TUT4: variants seen among roughly 807,000 people sequenced by gnomAD.
TUT4 encodes the protein terminal uridylyltransferase 4.
A neutral mutation model predicts 192.2 loss-of-function variants in TUT4; 36 were observed. That is an observed-to-expected ratio of 0.19 (90% CI 0.14 to 0.25). TUT4 has a LOEUF of 0.25. TUT4 is among the 10% of genes least tolerant of loss of function. The probability of loss-of-function intolerance (pLI) is 1.00; values close to 1 mark genes in which losing one functional copy is unlikely to be tolerated. For synonymous variants in TUT4, 618 were observed against 666.0 expected, an observed-to-expected ratio of 0.93 and a Z score of 1.11; for missense variants, 1,493 against 1,957.2, an observed-to-expected ratio of 0.76 and a Z score of 4.47.
intron 1 of TUT4, among the ~76,000 whole-genome samples, chr1:52,536,916 A>C (rs1178424196): frequency 1.3e-5 from 2 of 152,284 alleles, no homozygotes; most frequent in African/African-American, 4.8e-5. Context: ...CTGTAATCCC[A>C]ACACTTTGGG....
At chr1:52,463,572 C>T (rs1440928200) in intron 16 of TUT4, 31 of 1,247,128 alleles carry the variant, frequency 2.5e-5, no homozygotes, top group Non-Finnish European at 3.0e-5. Context: ...ACTACAGATG[C>T]CAGAAGCTGG....
rs141105768 is a variant in TUT4, at chr1:52,525,974, T to G, written c.307A>C (p.Asn103His). 12 of 1,614,060 alleles carry G rather than the reference T, an allele frequency of 7.4e-6. No homozygotes were observed. In the East Asian group the frequency reaches 2.0e-4, roughly 27 times the overall value. ...QSHCKAKKFP[N>H]SPVKAEKATI... ...GCCTTTTCGGCTTTCACCGGTGAAT[T>G]AGGAAATTTTTTTGCTTTGCAATGA... Residue 103 changes from asparagine to histidine, a missense_variant, in exon 2 of 30, where the codon AAT becomes CAT. Asn to His is a moderately conservative substitution (Grantham distance 68). Around this residue, in one of 7 missense-constraint regions of TUT4, gnomAD observed 260 missense variants for 247.8 expected, o/e 1.05. Coordinates refer to ENST00000257177, the MANE Select transcript of TUT4 (RefSeq NM_001009881.3).
intron 2 of TUT4, among the ~76,000 whole-genome samples, chr1:52,517,426 C>CCTGTCCTCAAAATTGCATGGCATT (rs1229257659): frequency 1.3e-5 from 2 of 152,292 alleles, no homozygotes; most frequent in East Asian, 1.9e-4. Flanking sequence ...TCCTCAAAAG[C>CCTGTCCTCAAAATTGCATGGCATT]CTGTCCTCAA....
chr1:52,459,748 GC>G (rs1432299768), intron 19 of TUT4, among the ~76,000 whole-genome samples: 1 of 152,152 alleles, frequency 6.6e-6, no homozygotes, highest in Non-Finnish European at 1.5e-5. Flanking sequence ...AGGCGTGGTA[GC>G]AGGCACCTGT....
At chr1:52,426,944 C>A (rs1419825205) in intron 28 of TUT4, among the ~76,000 whole-genome samples, 4 of 151,562 alleles carry the variant, frequency 2.6e-5, no homozygotes, top group Admixed American at 6.6e-5. Context: ...TCCATTCAGT[C>A]CTTCCATTTT....
intron 1 of TUT4, among the ~76,000 whole-genome samples, chr1:52,530,312 T>G (rs1466795370): frequency 6.6e-6 from 1 of 150,890 alleles, no homozygotes; most frequent in South Asian, 2.1e-4. Flanking sequence ...TGAAAAAGAC[T>G]GTATTTTCTC....
intron 19 of TUT4, 83 bp downstream of exon 19, chr1:52,461,051 A>T: frequency 8.1e-7 from 1 of 1,239,430 alleles, no homozygotes; most frequent in Non-Finnish European, 1.1e-6. Context: ...AAACTGAGAC[A>T]AAATTTTTCA....
rs557197632 is a variant in TUT4, at chr1:52,464,886, T to C, written c.3069+184A>G. The C allele has an allele frequency of 5.9e-5, 25 of 427,004 alleles. 1 individual carries two copies. In the South Asian group the frequency reaches 1.8e-3, roughly 31 times the overall value. 26.5% of individuals were successfully genotyped at this position (427,004 alleles called of 1,614,324 possible). A position where few individuals can be genotyped will look rare whatever the true frequency, so the allele number is the denominator to read the frequency against. The stretch of plus-strand genomic sequence containing the variant: ...TATCATAAAATTACTGAAACACTTT[T>C]ACTTAAGAGTTCAATGTCTTCTAAA... On this transcript the variant is annotated intron_variant, in intron 16 of 29. Transcript: ENST00000257177.
At chr1:52,491,452 G>A (rs1437255404) in intron 7 of TUT4, among the ~76,000 whole-genome samples, 1 of 152,184 alleles carries the variant, frequency 6.6e-6, no homozygotes, top group Non-Finnish European at 1.5e-5. Flanking sequence ...CACTTTGGGA[G>A]GCCGAGGTGG....
chr1:52,548,810 C>T (rs1688705798), intron 1 of TUT4, among the ~76,000 whole-genome samples: 2 of 152,136 alleles, frequency 1.3e-5, no homozygotes, highest in African/African-American at 4.8e-5. Context: ...GGACTTTGCC[C>T]ATCTATAGTG....
At chr1:52,446,062 C>T (rs1657439848) in intron 22 of TUT4, 58 bp from the exon 23 acceptor site, 4 of 1,513,726 alleles carry the variant, frequency 2.6e-6, no homozygotes, top group Admixed American at 2.0e-5. Flanking sequence ...TAAAAATATA[C>T]TTAGAAGTCA....
chr1:52,528,179 G>GAAA (rs1239375638), intron 1 of TUT4, among the ~76,000 whole-genome samples: 16 of 141,594 alleles, frequency 1.1e-4, no homozygotes, highest in East Asian at 4.1e-4. Flanking sequence ...ACTCCATCTC[G>GAAA]AAAAAAATAA....
At chr1:52,428,823 A>C (rs1650953063) in intron 28 of TUT4, among the ~76,000 whole-genome samples, 1 of 151,934 alleles carries the variant, frequency 6.6e-6, no homozygotes, top group South Asian at 2.1e-4. Flanking sequence ...AACAGGAAAA[A>C]CTGAACAAGG....
chr1:52,511,631 C>T (rs1026947023), intron 3 of TUT4, among the ~76,000 whole-genome samples: 5 of 152,024 alleles, frequency 3.3e-5, no homozygotes, highest in African/African-American at 1.2e-4. Context: ...TGAAAAGACA[C>T]ATTTCAAGCA....
intron 24 of TUT4, among the ~76,000 whole-genome samples, chr1:52,445,426 A>G (rs1005796501): frequency 2.0e-5 from 3 of 152,220 alleles, no homozygotes; most frequent in African/African-American, 4.8e-5. Context: ...AGCAGCACCT[A>G]AAATTCAACA....
intron 2 of TUT4, among the ~76,000 whole-genome samples, chr1:52,519,367 G>A (rs188346280): frequency 1.3e-3 from 192 of 152,178 alleles, no homozygotes; most frequent in African/African-American, 4.3e-3. Flanking sequence ...GAGGAGGAGC[G>A]GGTAATGAAT....
chr1:52,423,946 C>T lies in TUT4; in HGVS notation c.4927G>A (p.Val1643Met). The change falls in exon 30 of 30, where the codon GTG becomes ATG. Residue 1643 changes from valine (V) to methionine (M), a missense_variant. Val to Met is a conservative substitution (Grantham distance 21). This residue lies in a region of TUT4 where 351 missense variants were observed against 397.8 expected (regional missense o/e 0.88). Transcript: ENST00000257177. ...ERCPHPPRGN[V>M]SE is the part of the protein sequence containing the mutation. ...AAAATGGACTCGCATTACTCCGACA[C>T]GTTTCCTCTTGGTGGGTGGGGACAA... is the stretch of plus-strand genomic sequence containing the variant. 2 of 1,613,218 alleles carry T rather than the reference C, an allele frequency of 1.2e-6. No individual in the cohort carries two copies. The highest frequency in any genetic ancestry group is 2.2e-5 in the East Asian group (1 of 44,844).
At chr1:52,482,088 TTGA>T (rs983085489) in intron 9 of TUT4, among the ~76,000 whole-genome samples, 165 bp from the exon 10 acceptor site, 18 of 152,224 alleles carry the variant, frequency 1.2e-4, no homozygotes, top group African/African-American at 4.1e-4. Flanking sequence ...CATTAAAATG[TTGA>T]TGATCATTTT....
chr1:52,491,938 G>A lies in TUT4; in HGVS notation c.1319-1137C>T, dbSNP rs551593245. Among the ~76,000 whole-genome samples the A allele has an allele frequency of 3.3e-5, 5 of 152,180 alleles. No individual in the cohort carries two copies. In the South Asian group the frequency reaches 8.3e-4, roughly 25 times the overall value. On this transcript the variant is annotated intron_variant, in intron 7 of 29. Transcript: ENST00000257177. ...TAAATCCTGTAGGTGACCTGTAGAAGATACAGTAAGAACATAAAGGAAGAA... is the reference window on the plus strand; with the variant it reads ...TAAATCCTGTAGGTGACCTGTAGAAAATACAGTAAGAACATAAAGGAAGAA...
Sources: gnomAD v4.1 joint callset for allele counts (sites outside exome capture counted in the v4.1 genomes callset) on GRCh38, gnomAD v4.1.1 for gene constraint, gnomAD v4.1.1 regional missense constraint, MANE v1.5 for transcripts, NCBI Gene and HGNC (gene_info 2026-07-23, HGNC 2026-07-21) for gene names.